The following RARS1 variants were observed in gnomAD, a reference collection of about 807,000 sequenced individuals.
RARS1 encodes arginyl-tRNA synthetase 1, also known as arginine--tRNA ligase, cytoplasmic.
RARS1 carries 75 observed loss-of-function variants against 78.7 expected under a neutral mutation model. The observed-to-expected ratio is 0.95, with a 90% confidence interval of 0.79 to 1.15. The LOEUF (loss-of-function observed/expected upper bound fraction) is 1.15, where lower values mean the gene tolerates loss of function less well. Ranked by LOEUF, RARS1 falls within the 50% of genes most tolerant of loss-of-function variation. The probability of loss-of-function intolerance (pLI) is 0.00; values close to 1 mark genes in which losing one functional copy is unlikely to be tolerated. For synonymous variants in RARS1, 273 were observed against 268.2 expected (o/e 1.02, Z -0.18); for missense variants, 787 against 787.5 (o/e 1.00, Z 0.01).
Position 168,518,097 on chromosome 5 carries a change from G to GTTTTTTTT in RARS1, c.1873+36_1873+37insTTTTTTTT, listed in dbSNP as rs1561829748. 3.3e-6 allele frequency: 3 copies of GTTTTTTTT among 920,026 alleles called. No individual in the cohort carries two copies. In the African/African-American group the frequency reaches 1.5e-4, roughly 47 times the overall value. 57.0% of individuals were successfully genotyped at this position (920,026 alleles called of 1,614,324 possible). Reference sequence around the variant, plus strand: ...TTTTTTTTTTTTTTTTTTTTTTTTAGTGAGAGACACGGATCTTGCTCTGTC... The same window carrying GTTTTTTTT: ...TTTTTTTTTTTTTTTTTTTTTTTTAGTTTTTTTTTGAGAGACACGGATCTTGCTCTGTC... On this transcript the variant is annotated intron_variant, in intron 14 of 14. Transcript: ENST00000231572.
chr5:168,488,777 C>A, intron 2 of RARS1, 41 bp downstream of exon 2: 1 of 1,533,666 alleles, frequency 6.5e-7, no homozygotes, highest in South Asian at 1.3e-5. Context: ...CAGTTTGAAT[C>A]ATTATAGCTT....
intron 1 of RARS1, 92 bp downstream of exon 1, chr5:168,486,635 C>A (rs1049379028): frequency 1.5e-6 from 2 of 1,362,638 alleles, no homozygotes; most frequent in Non-Finnish European, 1.0e-6. Context: ...GACAGCTAGG[C>A]GAGGACCATC....
chr5:168,500,172 G>C (rs2152904492), intron 7 of RARS1, among the ~76,000 whole-genome samples: 1 of 123,224 alleles, frequency 8.1e-6, no homozygotes, highest in East Asian at 2.8e-4. Flanking sequence ...GTCCACTCCA[G>C]CCTGGGAGAC....
intron 14 of RARS1, 64 bp downstream of exon 14, chr5:168,518,126 T>C: frequency 7.3e-7 from 1 of 1,361,680 alleles, no homozygotes; most frequent in Non-Finnish European, 9.4e-7. Flanking sequence ...CTCTGTCCCT[T>C]GGGCTGGAGT....
chr5:168,510,560 T>C, intron 11 of RARS1, 21 bp from the exon 12 acceptor site: 2 of 1,561,744 alleles, frequency 1.3e-6, no homozygotes, highest in Non-Finnish European at 1.8e-6. Context: ...AAAATCTGAT[T>C]GGGGGTTTTA....
At chr5:168,491,280 A>G (rs1320209329) in intron 2 of RARS1, among the ~76,000 whole-genome samples, 1 of 152,200 alleles carries the variant, frequency 6.6e-6, no homozygotes, top group East Asian at 1.9e-4. Flanking sequence ...GGATGTCTTG[A>G]ACCCAGGAGT....
intron 11 of RARS1, among the ~76,000 whole-genome samples, chr5:168,507,271 C>G (rs1304566079): frequency 6.6e-6 from 1 of 152,150 alleles, no homozygotes; most frequent in Non-Finnish European, 1.5e-5. Flanking sequence ...TTGTTATGTT[C>G]TCTCCAAAAA....
At chr5:168,507,023 A>G (rs954964774) in intron 11 of RARS1, among the ~76,000 whole-genome samples, 192 bp downstream of exon 11, 2 of 152,234 alleles carry the variant, frequency 1.3e-5, no homozygotes, top group African/African-American at 4.8e-5. Context: ...TTAGGTAGAT[A>G]GTATGTACAA....
At chr5:168,510,857 T>C (rs1342312753) in intron 12 of RARS1, among the ~76,000 whole-genome samples, 171 bp downstream of exon 12, 1 of 152,254 alleles carries the variant, frequency 6.6e-6, no homozygotes, top group Admixed American at 6.5e-5. Flanking sequence ...GCTGAGCATT[T>C]ATTTAGAAAA....
At chr5:168,517,390 G>A (rs1268303511) in intron 13 of RARS1, among the ~76,000 whole-genome samples, 2 of 152,118 alleles carry the variant, frequency 1.3e-5, no homozygotes, top group Non-Finnish European at 1.5e-5. Context: ...TGATTCACCC[G>A]CCTCGGCCTC....
At chr5:168,518,124 C>G (rs1031655720) in intron 14 of RARS1, 62 bp downstream of exon 14, 1 of 1,325,280 alleles carries the variant, frequency 7.5e-7, no homozygotes, top group East Asian at 3.4e-5. Context: ...TGCTCTGTCC[C>G]TTGGGCTGGA....
chr5:168,506,686 A>G lies in RARS1; in HGVS notation c.1237-36A>G, dbSNP rs1030794462. ...CTTAAGTCTTTTTTTTTTTCTTTAA[A>G]GAAGACTAGCAAGTAACTTTCCGTT... On this transcript the variant is annotated intron_variant, in intron 10 of 14. Coordinates refer to ENST00000231572, the MANE Select transcript of RARS1 (RefSeq NM_002887.4). 8 of 1,475,432 alleles carry G rather than the reference A, an allele frequency of 5.4e-6. No individual in the cohort carries two copies. In the Middle Eastern group the frequency reaches 7.0e-4, roughly 130 times the overall value. The allele number at this position is 1,475,432 out of a possible 1,614,324, so 91.4% of individuals were successfully genotyped here. A position where few individuals can be genotyped will look rare whatever the true frequency, so the allele number is the denominator to read the frequency against.
Position 168,506,646 on chromosome 5 carries a change from C to A in RARS1, c.1237-76C>A, listed in dbSNP as rs371935067. ...GCGATTTGAATTTTACAGATCTATT[C>A]CTAAGCAAAAGAGCCTTAAGTCTTT... On this transcript the variant is annotated intron_variant, in intron 10 of 14. Coordinates refer to ENST00000231572, the MANE Select transcript of RARS1 (RefSeq NM_002887.4). The A allele has an allele frequency of 9.5e-5, 107 of 1,123,418 alleles. No individual in the cohort carries two copies. In the Middle Eastern group the frequency reaches 1.5e-3, roughly 15 times the overall value. The allele number at this position is 1,123,418 out of a possible 1,614,324, so 69.6% of individuals were successfully genotyped here. A position where few individuals can be genotyped will look rare whatever the true frequency, so the allele number is the denominator to read the frequency against.
chr5:168,510,374 A>C (rs1278692351), intron 11 of RARS1, among the ~76,000 whole-genome samples: 1 of 152,192 alleles, frequency 6.6e-6, no homozygotes, highest in East Asian at 1.9e-4. Flanking sequence ...TGTTTCATGT[A>C]GTACTCTCCT....
At position 168,506,117 on chromosome 5, in the gene RARS1, A is replaced by G. The variant is rs1199925950; in HGVS notation, c.1154A>G (p.Asp385Gly). 1 of 1,603,034 alleles carries G rather than the reference A, an allele frequency of 6.2e-7. No individual in the cohort carries two copies. Among genetic ancestry groups the G allele is most frequent in the Middle Eastern group, 1.7e-4 (1 of 5,998 alleles). ...AAATCAGATGGAGGTTATACCTATGATACATCTGACCTGGCTGCTATTAAA... is the reference window on the plus strand; with the variant it reads ...AAATCAGATGGAGGTTATACCTATGGTACATCTGACCTGGCTGCTATTAAA... ...IVKSDGGYTY[D>G]TSDLAAIKQR... Residue 385 changes from aspartate (D) to glycine (G), a missense_variant, in exon 10 of 15, where the codon GAT becomes GGT. Physicochemically the swap from Asp to Gly is moderately conservative, Grantham distance 94 (BLOSUM62 -1). Transcript: ENST00000231572.
At chr5:168,512,213 A>T (rs1271197014) in intron 12 of RARS1, among the ~76,000 whole-genome samples, 3 of 152,180 alleles carry the variant, frequency 2.0e-5, no homozygotes, top group African/African-American at 7.2e-5. Context: ...CATTTTGTTT[A>T]TCCATTCTCC....
chr5:168,518,119 T>C (rs1418791109), intron 14 of RARS1, 57 bp downstream of exon 14: 2 of 1,366,312 alleles, frequency 1.5e-6, no homozygotes, highest in Non-Finnish European at 1.9e-6. Context: ...GATCTTGCTC[T>C]GTCCCTTGGG....
chr5:168,496,395 CAGTA>C (rs1227874728), intron 6 of RARS1, among the ~76,000 whole-genome samples: 32 of 134,740 alleles, frequency 2.4e-4, no homozygotes, highest in Admixed American at 1.0e-3. Context: ...AAAAAAAAAA[CAGTA>C]AGTCAAGAGG....
At chr5:168,488,808 A>G (rs1758022001) in intron 2 of RARS1, 72 bp downstream of exon 2, 3 of 1,448,546 alleles carry the variant, frequency 2.1e-6, no homozygotes, top group Non-Finnish European at 2.8e-6. Context: ...TTTGTTACCA[A>G]AGATTCTGGA....
Sources: gnomAD v4.1 joint callset for allele counts (sites outside exome capture counted in the v4.1 genomes callset) on GRCh38, gnomAD v4.1.1 for gene constraint, MANE v1.5 for transcripts, NCBI Gene and HGNC (gene_info 2026-07-23, HGNC 2026-07-21) for gene names.